OARD1: variants seen among roughly 807,000 people sequenced by gnomAD.
OARD1 encodes the protein ADP-ribose glycohydrolase OARD1.
OARD1 carries 19 observed loss-of-function variants against 19.7 expected under a neutral mutation model. The ratio of observed to expected loss-of-function variants is 0.96; its 90% confidence interval spans 0.67 to 1.41. The LOEUF (loss-of-function observed/expected upper bound fraction) is 1.41, where lower values mean the gene tolerates loss of function less well. Among genes scored for constraint, OARD1 ranks in the 40% most tolerant of loss-of-function variants. The pLI, the probability that OARD1 is intolerant of heterozygous loss-of-function variation, is 0.00. For synonymous variants in OARD1, 70 were observed against 61.8 expected (o/e 1.13, Z -0.62); for missense variants, 190 against 183.8 (o/e 1.03, Z -0.20).
chr6:41,075,816 G>A (rs1427431131), upstream of OARD1: 1 of 151,610 alleles, frequency 6.6e-6, no homozygotes, highest in Non-Finnish European at 1.5e-5. Flanking sequence ...TTATCTCTTA[G>A]GATTCCAGTA....
chr6:41,089,700 G>A (rs1764150358), intron 1 of OARD1: 1 of 1,612,108 alleles, frequency 6.2e-7, no homozygotes, highest in Non-Finnish European at 8.5e-7. Flanking sequence ...GTCACTGCTG[G>A]CCAGACTCAG....
chr6:41,071,574 T>A, intron 2 of OARD1, 22 bp downstream of exon 2: 1 of 1,597,696 alleles, frequency 6.3e-7, no homozygotes, highest in East Asian at 2.2e-5. Flanking sequence ...AGTTCACCAA[T>A]AAGTCAATAG....
At chr6:41,067,491 C>A in intron 5 of OARD1, 54 bp from the exon 6 acceptor site, 1 of 1,228,232 alleles carries the variant, frequency 8.1e-7, no homozygotes, top group Non-Finnish European at 1.2e-6. Context: ...TAGGAAACTG[C>A]TCCTCTCTTT....
upstream of OARD1, among the ~76,000 whole-genome samples, chr6:41,076,841 T>C (rs545863589): frequency 1.7e-4 from 26 of 152,328 alleles, no homozygotes; most frequent in East Asian, 2.7e-3. Context: ...TAGGAACATA[T>C]GACTTTACTG....
At chr6:41,068,019 G>GA (rs760770583) in intron 5 of OARD1, among the ~76,000 whole-genome samples, 4 of 151,724 alleles carry the variant, frequency 2.6e-5, no homozygotes, top group African/African-American at 7.3e-5. Flanking sequence ...CACGCCTAGG[G>GA]AAAAAAGAGA....
chr6:41,070,145 GT>G lies in OARD1; in HGVS notation c.185-12del. ...CTCCAGATTTCTTTTCTAAGAAAAA[GT>G]TATTTAATAGTAGAAATGAAAAAGA... is the stretch of plus-strand genomic sequence containing the variant. On this transcript the variant is annotated splice_polypyrimidine_tract_variant and intron_variant, in intron 3 of 5. Transcript: ENST00000424266. 7.0e-7 allele frequency: 1 copy of G among 1,428,848 alleles called. No homozygotes were observed. Among genetic ancestry groups the G allele is most frequent in the Non-Finnish European group, 9.8e-7 (1 of 1,020,840 alleles). The allele number at this position is 1,428,848 out of a possible 1,614,324, so 88.5% of individuals were successfully genotyped here.
intron 1 of OARD1, chr6:41,079,222 C>T: frequency 6.6e-7 from 1 of 1,513,838 alleles, no homozygotes; most frequent in Non-Finnish European, 9.2e-7. Context: ...CAGCACCACT[C>T]AATTGGTTGG....
rs138346710 is a variant in OARD1, at chr6:41,096,192, C to T, written c.-42+1521G>A. 4.7e-3 allele frequency among the ~76,000 whole-genome samples: 711 copies of T among 152,298 alleles called. 5 individuals carry two copies. Among genetic ancestry groups the T allele is most frequent in the African/African-American group, 0.016 (678 of 41,554 alleles). On this transcript the variant is annotated intron_variant, in intron 1 of 4. Coordinates refer to the OARD1 transcript ENST00000480585. ...AAACTATTTCTGTATAACATCTAAG[C>T]AACTTTGCCTTATCACCCCCTCAAC...
chr6:41,071,751 CT>C (rs1763415505), intron 1 of OARD1, 76 bp from the exon 2 acceptor site: 1 of 792,068 alleles, frequency 1.3e-6, no homozygotes, highest in African/African-American at 1.7e-5. Flanking sequence ...TGTACAACCA[CT>C]TAATAGGCTT....
chr6:41,091,496 TTTTG>T (rs777101468), intron 1 of OARD1: 9 of 1,608,706 alleles, frequency 5.6e-6, no homozygotes, highest in African/African-American at 4.0e-5. Context: ...TGTGCCTGTT[TTTTG>T]TTTGTTTTAT....
rs931685235 is a variant in OARD1 at position 41,078,918 on chromosome 6, C to A, written c.-41-7243G>T. The A allele has an allele frequency of 5.3e-5, 29 of 551,706 alleles. No individual in the cohort carries two copies. The Admixed American group carries it at 8.4e-4, about 16-fold the overall frequency. The allele number at this position is 551,706 out of a possible 1,614,324, so 34.2% of individuals were successfully genotyped here. ...CTGAATATAAGCATTTCCTATTCTC[C>A]TATCCTGTTTTCTTGCAAATAAAGT... On this transcript the variant is annotated intron_variant, in intron 1 of 4. Coordinates refer to the OARD1 transcript ENST00000480585.
upstream of OARD1, among the ~76,000 whole-genome samples, chr6:41,076,823 C>T (rs1222395198): frequency 6.6e-6 from 1 of 152,166 alleles, no homozygotes; most frequent in African/African-American, 2.4e-5. Flanking sequence ...AACTGAAGCT[C>T]ACAGTAGTAG....
chr6:41,071,505 G>T, intron 2 of OARD1, 91 bp downstream of exon 2: 2 of 1,176,242 alleles, frequency 1.7e-6, no homozygotes, highest in Non-Finnish European at 2.5e-6. Flanking sequence ...AAAAGATAAT[G>T]CAATCATTAA....
At chr6:41,071,841 G>GT (rs1561845397) in intron 1 of OARD1, 166 bp from the exon 2 acceptor site, 1 of 550,176 alleles carries the variant, frequency 1.8e-6, no homozygotes, top group African/African-American at 1.9e-5. Context: ...GGGCAAAGAG[G>GT]AAGAACGCTT....
intron 1 of OARD1, chr6:41,080,672 G>C: frequency 1.7e-6 from 1 of 596,620 alleles, no homozygotes; most frequent in Non-Finnish European, 3.0e-6. Context: ...CAACAAAACA[G>C]CTTCAATATA....
intron 1 of OARD1, among the ~76,000 whole-genome samples, chr6:41,092,110 G>T (rs1409445834): frequency 6.6e-6 from 1 of 152,212 alleles, no homozygotes; most frequent in East Asian, 1.9e-4. Context: ...GTATTGGGAA[G>T]ATAGGAAGAT....
At chr6:41,073,996 C>T (rs1763647525), upstream of OARD1, among the ~76,000 whole-genome samples, 1 of 151,516 alleles carries the variant, frequency 6.6e-6, no homozygotes, top group Admixed American at 6.6e-5. Flanking sequence ...AGATTGATAC[C>T]CTTGCGCATT....
intron 1 of OARD1, 148 bp from the exon 2 acceptor site, chr6:41,071,823 C>T: frequency 1.7e-6 from 1 of 572,024 alleles, no homozygotes; most frequent in Non-Finnish European, 3.1e-6. Context: ...TAATACAAAA[C>T]CCTTCTGGGG....
In OARD1 at chr6:41,068,926, G is replaced by A. The variant is rs771326610; in HGVS notation, c.271C>T (p.Pro91Ser). Residue 91 changes from proline (P) to serine (S), a missense_variant, in exon 5 of 6, where the codon CCA becomes TCA. Pro to Ser is a moderately conservative substitution (Grantham distance 74). Coordinates refer to ENST00000424266, the MANE Select transcript of OARD1 (RefSeq NM_001329686.2). ...CTCTTCTGTAAGTTTTCATAAGTTG[G>A]CTTGTGCGAAGCCCTTTTCTTTGTA... is the stretch of plus-strand genomic sequence containing the variant. ...LITKKRASHK[P>S]TYENLQKSLE... The A allele has an allele frequency of 6.2e-7, 1 of 1,608,338 alleles. No homozygotes were observed.
Sources: gnomAD v4.1 joint callset for allele counts (sites outside exome capture counted in the v4.1 genomes callset) on GRCh38, gnomAD v4.1.1 for gene constraint, MANE v1.5 for transcripts, NCBI Gene and HGNC (gene_info 2026-07-23, HGNC 2026-07-21) for gene names.